The following BTF3 variants were observed in gnomAD, a reference collection of about 807,000 sequenced individuals.
BTF3 encodes the protein basic transcription factor 3, also known as transcription factor BTF3.
In BTF3, 12 loss-of-function variants were observed where a neutral mutation model predicts 23.9. The ratio of observed to expected loss-of-function variants is 0.50; its 90% CI spans 0.32 to 0.81. The LOEUF (loss-of-function observed/expected upper bound fraction) is 0.81. Among genes scored for constraint, BTF3 ranks in the 40% least tolerant of loss-of-function variants. The probability of loss-of-function intolerance (pLI) is 0.03; values close to 1 mark genes in which losing one functional copy is unlikely to be tolerated. For missense variants in BTF3, 215 were observed against 255.9 expected (o/e 0.84, Z 1.09); for synonymous variants, 96 against 94.8 (o/e 1.01, Z -0.07).
intron 5 of BTF3, 66 bp downstream of exon 5, chr5:73,504,469 G>A: frequency 2.2e-6 from 3 of 1,361,858 alleles, no homozygotes; most frequent in Non-Finnish European, 3.1e-6. Context: ...ATCTTTGTAG[G>A]AAAAACTACC....
chr5:73,502,230 A>G (rs570893664), intron 2 of BTF3, among the ~76,000 whole-genome samples: 1 of 151,634 alleles, frequency 6.6e-6, no homozygotes, highest in Non-Finnish European at 1.5e-5. Flanking sequence ...TGCTTAATTT[A>G]GATTGACACA....
chr5:73,499,369 C>T, intron 2 of BTF3, 167 bp downstream of exon 2: 1 of 747,382 alleles, frequency 1.3e-6, no homozygotes, highest in Non-Finnish European at 2.3e-6. Flanking sequence ...GGGTTGGAGA[C>T]ACATCAGTGA....
chr5:73,499,269 C>T (rs763359106), intron 2 of BTF3, 67 bp downstream of exon 2: 8 of 1,514,328 alleles, frequency 5.3e-6, no homozygotes, highest in Non-Finnish European at 7.3e-6. Context: ...AAAACATATT[C>T]CTTTTGCGCT....
chr5:73,500,904 A>G (rs2111958625), intron 2 of BTF3, among the ~76,000 whole-genome samples: 1 of 151,516 alleles, frequency 6.6e-6, no homozygotes, highest in Non-Finnish European at 1.5e-5. Context: ...TGTACTTAAT[A>G]GTTTGGAGAG....
intron 2 of BTF3, 147 bp from the exon 3 acceptor site, chr5:73,502,341 C>T: frequency 3.9e-6 from 2 of 507,120 alleles, no homozygotes; most frequent in Non-Finnish European, 6.8e-6. Context: ...TCGCCTTAGC[C>T]TGCCTGCTCA....
chr5:73,504,627 C>A, intron 5 of BTF3: 1 of 368,166 alleles, frequency 2.7e-6, no homozygotes, highest in Non-Finnish European at 4.9e-6. Context: ...GGTATCTAAC[C>A]TTAAATATTG....
chr5:73,502,565 G>A lies in BTF3; in HGVS notation c.279G>A (p.Lys93=), dbSNP rs1362796574. The part of the protein sequence containing the change: ...ADDKKLQFSL[K]KLGVNNISGI... The stretch of plus-strand genomic sequence containing the variant: ...ACAAAAAACTTCAGTTCTCCTTAAA[G>A]AAGTTAGGGGTAAACAATATCTCTG... The change falls in exon 3 of 6, where the codon AAG becomes AAA. Residue 93 remains lysine (K), a synonymous_variant. Coordinates refer to ENST00000380591, the MANE Select transcript of BTF3 (RefSeq NM_001037637.2). The A allele has an allele frequency of 6.2e-7, 1 of 1,608,648 alleles. No homozygotes were observed. The highest frequency in any genetic ancestry group is 8.5e-7 in the Non-Finnish European group (1 of 1,178,704).
At chr5:73,501,646 A>T (rs921130452) in intron 2 of BTF3, among the ~76,000 whole-genome samples, 32 of 152,166 alleles carry the variant, frequency 2.1e-4, no homozygotes, top group Non-Finnish European at 8.8e-5. Flanking sequence ...TGGCCTGTTC[A>T]AAGAATAGCC....
chr5:73,499,587 T>G, intron 2 of BTF3: 1 of 345,634 alleles, frequency 2.9e-6, no homozygotes, highest in Non-Finnish European at 5.6e-6. Context: ...AATTGAGACC[T>G]TTCTGTACTG....
chr5:73,505,175 T>C lies in BTF3; in HGVS notation c.575-17T>C. ...ATTTGGCTTTTTTAAGAATTTCTAC[T>C]CTTTTCCTTTTCCTAGATCTTGTGG... On this transcript the variant is annotated splice_polypyrimidine_tract_variant and intron_variant, in intron 5 of 5. Coordinates refer to ENST00000380591, the MANE Select transcript of BTF3 (RefSeq NM_001037637.2). 1 of 1,606,442 alleles carries C rather than the reference T, an allele frequency of 6.2e-7. No individual in the cohort carries two copies. Among genetic ancestry groups the C allele is most frequent in the Non-Finnish European group, 8.5e-7 (1 of 1,177,590 alleles).
chr5:73,503,824 G>C (rs1746494450), intron 4 of BTF3, among the ~76,000 whole-genome samples: 1 of 152,098 alleles, frequency 6.6e-6, no homozygotes. Context: ...TGCCTGTATG[G>C]GCCTAGTACA....
intron 1 of BTF3, 119 bp downstream of exon 1, chr5:73,498,918 C>T: frequency 2.1e-6 from 3 of 1,404,902 alleles, no homozygotes; most frequent in Non-Finnish European, 2.8e-6. Flanking sequence ...TCATCCGGGC[C>T]TGCCAAGAGC....
At chr5:73,501,244 TGAATAG>T (rs576630532) in intron 2 of BTF3, among the ~76,000 whole-genome samples, 155 of 152,112 alleles carry the variant, frequency 1.0e-3, no homozygotes, top group Middle Eastern at 6.8e-3. Flanking sequence ...TTTTAAAGGA[TGAATAG>T]GAATAGGGAT....
rs1036457953 is a variant in BTF3 at position 73,498,741 on chromosome 5, G to T, written c.74G>T (p.Gly25Val). 6.7e-7 allele frequency: 1 copy of T among 1,491,602 alleles called. No homozygotes were observed. The highest frequency in any genetic ancestry group is 8.8e-7 in the Non-Finnish European group (1 of 1,131,246). The allele number at this position is 1,491,602 out of a possible 1,614,324, so 92.4% of individuals were successfully genotyped here. A position where few individuals can be genotyped will look rare whatever the true frequency, so the allele number is the denominator to read the frequency against. ...RGRARGGCPG[G>V]EATLSQPPPR... ...CGAGCCAGGGGCGGCTGCCCTGGGGGCGAGGCGACGCTGTCTCAACCTCCA... is the reference window on the plus strand; with the variant it reads ...CGAGCCAGGGGCGGCTGCCCTGGGGTCGAGGCGACGCTGTCTCAACCTCCA... Residue 25 changes from glycine (G) to valine (V), a missense_variant, in exon 1 of 6, where the codon GGC becomes GTC. Physicochemically the swap from Gly to Val is moderately radical, Grantham distance 109. Coordinates refer to ENST00000380591, the MANE Select transcript of BTF3 (RefSeq NM_001037637.2).
At chr5:73,504,037 G>GT (rs1746498446) in intron 4 of BTF3, among the ~76,000 whole-genome samples, 1 of 152,102 alleles carries the variant, frequency 6.6e-6, no homozygotes, top group African/African-American at 2.4e-5. Flanking sequence ...TGGTATGTGG[G>GT]TTTTACCTGC....
At chr5:73,501,135 G>A (rs185355218) in intron 2 of BTF3, among the ~76,000 whole-genome samples, 379 of 152,236 alleles carry the variant, frequency 2.5e-3, no homozygotes, top group Middle Eastern at 0.014. Flanking sequence ...AATAGTAGAA[G>A]CATTTTCAAA....
intron 2 of BTF3, among the ~76,000 whole-genome samples, chr5:73,499,853 T>G (rs1746390628): frequency 6.6e-6 from 1 of 152,150 alleles, no homozygotes; most frequent in African/African-American, 2.4e-5. Flanking sequence ...TTTTTGAAGC[T>G]GATTTTTAGA....
At chr5:73,499,307 C>T in intron 2 of BTF3, 105 bp downstream of exon 2, 1 of 1,277,132 alleles carries the variant, frequency 7.8e-7, no homozygotes, top group Non-Finnish European at 1.1e-6. Context: ...CAAACTTTGC[C>T]TATCGAGGGA....
chr5:73,499,503 C>T (rs980252379), intron 2 of BTF3: 1 of 434,754 alleles, frequency 2.3e-6, no homozygotes, highest in Non-Finnish European at 4.3e-6. Flanking sequence ...TCAGTTAGAT[C>T]GTTGTGCACA....
Sources: allele counts gnomAD v4.1 joint callset (sites outside exome capture counted in the v4.1 genomes callset), GRCh38; gene constraint gnomAD v4.1.1; transcripts MANE v1.5; gene names NCBI Gene and HGNC (gene_info 2026-07-23, HGNC 2026-07-21).